The following LRP2 variants were observed in gnomAD, a reference collection of about 807,000 sequenced individuals.
The protein encoded by LRP2 is low-density lipoprotein receptor-related protein 2.
A neutral mutation model predicts 531.0 loss-of-function variants in LRP2; 172 were observed. That is an observed-to-expected ratio of 0.32 (90% confidence interval 0.29 to 0.37). The LOEUF (loss-of-function observed/expected upper bound fraction) is 0.37. Among genes scored for constraint, LRP2 ranks in the 10% least tolerant of loss-of-function variants. The probability of loss-of-function intolerance (pLI) is 1.00; values close to 1 mark genes in which losing one functional copy is unlikely to be tolerated. For missense variants in LRP2, 5,167 were observed against 5,868.3 expected (o/e 0.88, Z 3.90); for synonymous variants, 1,992 against 2,027.6 (o/e 0.98, Z 0.47).
intron 34 of LRP2, among the ~76,000 whole-genome samples, chr2:169,217,900 C>A (rs765126256): frequency 6.6e-6 from 1 of 152,178 alleles, no homozygotes; most frequent in East Asian, 1.9e-4. Flanking sequence ...TTTTGACCTA[C>A]AAGTTTATCT....
rs753645299 is a variant in LRP2 at position 169,137,507 on chromosome 2, CAGAA to C, written c.13519-18_13519-15del. The C allele has an allele frequency of 4.8e-6, 7 of 1,444,674 alleles. No homozygotes were observed. The African/African-American group carries it at 7.2e-5, about 15-fold the overall frequency. The allele number at this position is 1,444,674 out of a possible 1,614,324, so 89.5% of individuals were successfully genotyped here. ...AAAGTCTTCACTCTGATGGCAGAGA[CAGAA>C]AGAGAGAGAGAGAGAGAGAGAGAAA... On this transcript the variant is annotated splice_polypyrimidine_tract_variant and intron_variant, in intron 75 of 78. Coordinates refer to ENST00000649046, the MANE Select transcript of LRP2 (RefSeq NM_004525.3).
intron 4 of LRP2, among the ~76,000 whole-genome samples, chr2:169,302,807 T>C (rs545625555): frequency 1.8e-4 from 27 of 151,720 alleles, no homozygotes; most frequent in African/African-American, 5.8e-4. Flanking sequence ...ACCCCATAAA[T>C]TGAAAGGCTT....
intron 1 of LRP2, among the ~76,000 whole-genome samples, chr2:169,324,860 T>G (rs564115341): frequency 6.6e-5 from 10 of 152,290 alleles, no homozygotes; most frequent in Admixed American, 3.9e-4. Flanking sequence ...GCTTATGGAA[T>G]AGCTAATGCA....
At position 169,341,044 on chromosome 2, in the gene LRP2, T is replaced by C. The variant is rs75573683; in HGVS notation, c.80-20160A>G. Among the ~76,000 whole-genome samples the C allele has an allele frequency of 1.6e-3, 238 of 152,300 alleles. 1 individual carries two copies. Among genetic ancestry groups the C allele is most frequent in the Middle Eastern group, 3.4e-3 (1 of 294 alleles). On this transcript the variant is annotated intron_variant, in intron 1 of 78. Coordinates refer to ENST00000649046, the MANE Select transcript of LRP2 (RefSeq NM_004525.3). ...GATAAAATACATACACAAATGATTG[T>C]ATCTCATGGCATGAGGAGACATGCT...
At chr2:169,246,621 T>C (rs1690015178) in intron 21 of LRP2, 84 bp downstream of exon 21, 1 of 1,494,050 alleles carries the variant, frequency 6.7e-7, no homozygotes, top group Non-Finnish European at 9.3e-7. Flanking sequence ...CCCATATAAA[T>C]AGCCCAAGCT....
chr2:169,193,637 C>T, intron 47 of LRP2, 124 bp downstream of exon 47: 4 of 1,196,360 alleles, frequency 3.3e-6, no homozygotes, highest in Non-Finnish European at 3.7e-6. Context: ...ACAAAGGTAA[C>T]ATTCTATCAG....
intron 3 of LRP2, among the ~76,000 whole-genome samples, chr2:169,311,216 T>C (rs1340047282): frequency 6.6e-6 from 1 of 152,200 alleles, no homozygotes; most frequent in African/African-American, 2.4e-5. Context: ...TCTGCTCTGA[T>C]CTTAGTTATT....
intron 33 of LRP2, among the ~76,000 whole-genome samples, chr2:169,220,887 A>G (rs1218530129): frequency 1.3e-5 from 2 of 152,170 alleles, no homozygotes; most frequent in East Asian, 1.9e-4. Flanking sequence ...AAGAAACTGC[A>G]AAAATCCTTC....
intron 1 of LRP2, among the ~76,000 whole-genome samples, chr2:169,353,951 C>G (rs778217906): frequency 2.0e-5 from 3 of 152,148 alleles, no homozygotes; most frequent in Admixed American, 2.0e-4. Flanking sequence ...TGCACTCCAG[C>G]CTGAGTGATA....
chr2:169,230,979 C>T (rs1024915176), intron 31 of LRP2, among the ~76,000 whole-genome samples: 10 of 152,076 alleles, frequency 6.6e-5, no homozygotes, highest in Admixed American at 2.0e-4. Flanking sequence ...CACTCATTAA[C>T]TATTGGTTAT....
intron 1 of LRP2, among the ~76,000 whole-genome samples, chr2:169,323,974 C>T (rs1684975323): frequency 6.6e-6 from 1 of 151,922 alleles, no homozygotes; most frequent in Non-Finnish European, 1.5e-5. Flanking sequence ...CCATCGGAAC[C>T]AAATGAACAC....
chr2:169,260,406 C>G (rs1690498127), intron 16 of LRP2, among the ~76,000 whole-genome samples: 1 of 151,860 alleles, frequency 6.6e-6, no homozygotes, highest in East Asian at 1.9e-4. Context: ...ATGATAGAGG[C>G]TAAAAGAGAG....
intron 52 of LRP2, among the ~76,000 whole-genome samples, chr2:169,181,077 T>C (rs1687411902): frequency 6.6e-6 from 1 of 152,204 alleles, no homozygotes; most frequent in Non-Finnish European, 1.5e-5. Flanking sequence ...TTTTCTCAAA[T>C]ACTAAAATTT....
chr2:169,313,965 G>C (rs542923402), intron 3 of LRP2, among the ~76,000 whole-genome samples: 28 of 152,296 alleles, frequency 1.8e-4, no homozygotes, highest in African/African-American at 6.7e-4. Flanking sequence ...AAAACTGTCA[G>C]GGATCCGAGG....
chr2:169,228,194 A>T (rs1302185306), intron 31 of LRP2, among the ~76,000 whole-genome samples: 1 of 152,154 alleles, frequency 6.6e-6, no homozygotes, highest in Non-Finnish European at 1.5e-5. Context: ...TCACACAACC[A>T]GGACTCCTGG....
chr2:169,334,992 T>C (rs1158577047), intron 1 of LRP2, among the ~76,000 whole-genome samples: 1 of 152,162 alleles, frequency 6.6e-6, no homozygotes, highest in Non-Finnish European at 1.5e-5. Context: ...TTTCAAAATC[T>C]AAGCCACCTT....
At chr2:169,200,462 T>C (rs73971315) in intron 44 of LRP2, among the ~76,000 whole-genome samples, 1 of 151,728 alleles carries the variant, frequency 6.6e-6, no homozygotes, top group Non-Finnish European at 1.5e-5. Flanking sequence ...TATAAGAAGA[T>C]GGATTGGGGT....
chr2:169,354,216 A>T (rs1685931166), intron 1 of LRP2, among the ~76,000 whole-genome samples: 1 of 152,200 alleles, frequency 6.6e-6, no homozygotes, highest in African/African-American at 2.4e-5. Context: ...AGGTTTCCTC[A>T]ACACCTTCAA....
At chr2:169,328,200 CG>C (rs1559078100) in intron 1 of LRP2, among the ~76,000 whole-genome samples, 2 of 124,226 alleles carry the variant, frequency 1.6e-5, no homozygotes, top group African/African-American at 6.0e-5. Context: ...GGGGGGTCAG[CG>C]CCCCGCCCGG....
Sources: allele counts gnomAD v4.1 joint callset (sites outside exome capture counted in the v4.1 genomes callset), GRCh38; gene constraint gnomAD v4.1.1; transcripts MANE v1.5; gene names NCBI Gene and HGNC (gene_info 2026-07-23, HGNC 2026-07-21).